Variants in C8orf82 observed in about 807,000 individuals in gnomAD.
The protein encoded by C8orf82 is UPF0598 protein C8orf82.
In C8orf82, 24 loss-of-function variants were observed where a neutral mutation model predicts 15.0. The ratio of observed to expected loss-of-function variants is 1.60; its 90% CI spans 1.16 to 2.24. C8orf82 has a LOEUF of 2.24. Ranked by LOEUF, C8orf82 falls within the 30% of genes most tolerant of loss-of-function variation. The pLI, the probability that C8orf82 is intolerant of heterozygous loss-of-function variation, is 0.00. For missense variants in C8orf82, 388 were observed against 317.4 expected, an observed-to-expected ratio of 1.22 and a Z score of -1.69; for synonymous variants, 205 against 152.2, an observed-to-expected ratio of 1.35 and a Z score of -2.55.
Position 144,527,733 on chromosome 8 carries a change from C to T in C8orf82, c.260G>A (p.Arg87His), listed in dbSNP as rs1391853559. 9 of 1,592,374 alleles carry T rather than the reference C, an allele frequency of 5.7e-6. No individual in the cohort carries two copies. Among genetic ancestry groups the T allele is most frequent in the South Asian group, 1.1e-5 (1 of 90,270 alleles). Reference protein sequence around the residue: ...FSRLRPNRSGRYEAAFPFLSP... With the variant: ...FSRLRPNRSGHYEAAFPFLSP... The stretch of plus-strand genomic sequence containing the variant: ...GAGGAAGGGGAAAGCGGCCTCGTAG[C>T]GCCCGCTGCGGTTGGGTCTCAGGCG... The change falls in exon 3 of 3, where the codon CGC becomes CAC. Residue 87 changes from arginine to histidine, a missense_variant. Physicochemically the swap from Arg to His is conservative, Grantham distance 29. Coordinates refer to ENST00000524821, the MANE Select transcript of C8orf82 (RefSeq NM_001001795.2).
In C8orf82 at chr8:144,527,633, C is replaced by A. The variant is rs770100900; in HGVS notation, c.360G>T (p.Ala120=). Residue 120 remains alanine, a synonymous_variant, in exon 3 of 3, where the codon GCG becomes GCT. Coordinates refer to ENST00000524821, the MANE Select transcript of C8orf82 (RefSeq NM_001001795.2). The part of the protein sequence containing the change: ...RPVVFTHLLT[A]DHGPPRLSYC... The stretch of plus-strand genomic sequence containing the variant: ...AGGAGAGGCGCGGAGGCCCGTGGTC[C>A]GCGGTCAGCAGGTGCGTGAAGACCA... 28 of 1,536,600 alleles carry A rather than the reference C, an allele frequency of 1.8e-5. 1 individual carries two copies. In the South Asian group the frequency reaches 3.3e-4, roughly 18 times the overall value.
chr8:144,527,986 GGAGA>G, intron 2 of C8orf82, 34 bp downstream of exon 2: 1 of 1,607,014 alleles, frequency 6.2e-7, no homozygotes, highest in East Asian at 2.2e-5. Flanking sequence ...TGCCCGGAAG[GGAGA>G]AAGAAGGGGC....
chr8:144,527,900 C>T (rs1564827557), intron 2 of C8orf82, 113 bp from the exon 3 acceptor site: 14 of 1,506,416 alleles, frequency 9.3e-6, no homozygotes, highest in Non-Finnish European at 1.3e-5. Flanking sequence ...CCTCACTCAG[C>T]GGGGCTCCTG....
intron 1 of C8orf82, 54 bp downstream of exon 1, chr8:144,528,707 C>CCCCAA: frequency 1.3e-6 from 1 of 742,332 alleles, no homozygotes; most frequent in Non-Finnish European, 1.8e-6. Flanking sequence ...CCCCGCCCCG[C>CCCCAA]CCAGAGACCT....
intron 1 of C8orf82, 145 bp downstream of exon 1, chr8:144,528,616 C>CGGGGGGGGGG: frequency 6.8e-5 from 20 of 295,988 alleles, no homozygotes; most frequent in Non-Finnish European, 1.0e-4. Context: ...GCGCAGGCCC[C>CGGGGGGGGGG]GCCCACCCAC....
chr8:144,529,045 TCTTC>T lies in C8orf82; in HGVS notation c.-133_-130del. ...CGCCTCCGCGACCCGGGCCCGGCGC[TCTTC>T]CCTCTCCCTCGGGCCTCGGGGGCTC... On this transcript the variant is annotated 5_prime_UTR_variant, in exon 1 of 3. Coordinates refer to ENST00000524821, the MANE Select transcript of C8orf82 (RefSeq NM_001001795.2). The T allele has an allele frequency of 1.0e-6, 1 of 969,122 alleles. No individual in the cohort carries two copies. The highest frequency in any genetic ancestry group is 2.3e-5 in the South Asian group (1 of 43,648). 60.0% of individuals were successfully genotyped at this position (969,122 alleles called of 1,614,324 possible).
Position 144,527,437 on chromosome 8 carries a change from C to T in C8orf82, c.556G>A (p.Ala186Thr), listed in dbSNP as rs1349607593. The change falls in exon 3 of 3, where the codon GCG becomes ACG. Residue 186 changes from alanine (A) to threonine (T), a missense_variant. Coordinates refer to ENST00000524821, the MANE Select transcript of C8orf82 (RefSeq NM_001001795.2). The stretch of plus-strand genomic sequence containing the variant: ...CGCACGTGCGAGGGCAGCGCAGGCG[C>T]GCCGGGCCCGTACTCGAAGCAGGCG... ...LSACFEYGPG[A>T]PALPSHVRWQ... The T allele has an allele frequency of 1.6e-6, 2 of 1,239,098 alleles. No homozygotes were observed. The highest frequency in any genetic ancestry group is 2.0e-6 in the Non-Finnish European group (2 of 989,006). The allele number at this position is 1,239,098 out of a possible 1,614,324, so 76.8% of individuals were successfully genotyped here.
rs767836210 is a variant in C8orf82 at position 144,528,082 on chromosome 8, G to C, written c.157-10C>G. On this transcript the variant is annotated splice_polypyrimidine_tract_variant and intron_variant, in intron 1 of 2. Transcript: ENST00000524821. The stretch of plus-strand genomic sequence containing the variant: ...AATCATCCAGGAAAAGCTGCAGATA[G>C]AGGGCCAGGCCGTGATAAGTCCCAG... The C allele has an allele frequency of 6.2e-7, 1 of 1,612,202 alleles. No individual in the cohort carries two copies. The highest frequency in any genetic ancestry group is 8.5e-7 in the Non-Finnish European group (1 of 1,179,570).
At chr8:144,528,313 T>A (rs952014138) in intron 1 of C8orf82, 8 of 1,509,762 alleles carry the variant, frequency 5.3e-6, no homozygotes, top group Middle Eastern at 1.7e-4. Context: ...TTTTCCCTCT[T>A]TTCAAGTTTG....
chr8:144,528,616 C>CCGGGGGGGGGGGGGGGG (rs1816482039), intron 1 of C8orf82, 145 bp downstream of exon 1: 20 of 295,998 alleles, frequency 6.8e-5, no homozygotes, highest in Non-Finnish European at 9.7e-5. Flanking sequence ...GCGCAGGCCC[C>CCGGGGGGGGGGGGGGGG]GCCCACCCAC....
In C8orf82 at chr8:144,526,086, C is replaced by T. The variant is rs1816349051; in HGVS notation, c.*1256G>A. On this transcript the variant is annotated 3_prime_UTR_variant, in exon 3 of 3. Coordinates refer to ENST00000524821, the MANE Select transcript of C8orf82 (RefSeq NM_001001795.2). ...TCCCAGCCTCATCTGGCCGGCCTCC[C>T]CAAACATTTGCCTGTCCATCAGCTC... 6.6e-6 allele frequency: 1 copy of T among 152,232 alleles called. No homozygotes were observed. The highest frequency in any genetic ancestry group is 2.4e-5 in the African/African-American group (1 of 41,446). 9.4% of individuals were successfully genotyped at this position (152,232 alleles called of 1,614,324 possible).
At chr8:144,527,885 C>T (rs1816436303) in intron 2 of C8orf82, 98 bp from the exon 3 acceptor site, 1 of 1,519,230 alleles carries the variant, frequency 6.6e-7, no homozygotes, top group African/African-American at 1.4e-5. Flanking sequence ...AAGAGGTTCG[C>T]CTGGCCTCAC....
At chr8:144,528,479 G>GACTTGTAGGACTTGTCCT in intron 1 of C8orf82, 6 of 1,461,736 alleles carry the variant, frequency 4.1e-6, no homozygotes, top group Non-Finnish European at 5.4e-6. Context: ...GGACTTGTAG[G>GACTTGTAGGACTTGTCCT]ACAGAGTCCG....
In C8orf82 at chr8:144,527,482, C is replaced by A; in HGVS notation, c.511G>T (p.Ala171Ser). ...CAGGCGCTGAGCTCGAAGGCCAGGGCGGAGCGCACCAGGCCCACGCCGCCC... is the reference window on the plus strand; with the variant it reads ...CAGGCGCTGAGCTCGAAGGCCAGGGAGGAGCGCACCAGGCCCACGCCGCCC... ...RAGGVGLVRS[A>S]LAFELSACFE... Residue 171 changes from alanine to serine, a missense_variant, in exon 3 of 3, where the codon GCC becomes TCC. Physicochemically the swap from Ala to Ser is moderately conservative, Grantham distance 99. Transcript: ENST00000524821. The A allele has an allele frequency of 8.0e-7, 1 of 1,256,784 alleles. No homozygotes were observed. 77.9% of individuals were successfully genotyped at this position (1,256,784 alleles called of 1,614,324 possible). A position where few individuals can be genotyped will look rare whatever the true frequency, so the allele number is the denominator to read the frequency against.
chr8:144,528,074 T>C lies in C8orf82; in HGVS notation c.157-2A>G. The C allele has an allele frequency of 6.2e-7, 1 of 1,612,728 alleles. No individual in the cohort carries two copies. On this transcript the variant is annotated splice_acceptor_variant, in intron 1 of 2. Transcript: ENST00000524821. LOFTEE classifies it high-confidence loss of function. ...CATTTTGGAATCATCCAGGAAAAGCTGCAGATAGAGGGCCAGGCCGTGATA... is the reference window on the plus strand; with the variant it reads ...CATTTTGGAATCATCCAGGAAAAGCCGCAGATAGAGGGCCAGGCCGTGATA...
rs1372354380 is a variant in C8orf82, at chr8:144,526,127, CAT to C, written c.*1213_*1214del. 9 of 152,200 alleles carry C rather than the reference CAT, an allele frequency of 5.9e-5. No homozygotes were observed. Among genetic ancestry groups the C allele is most frequent in the East Asian group, 1.9e-4 (1 of 5,194 alleles). 9.4% of individuals were successfully genotyped at this position (152,200 alleles called of 1,614,324 possible). A position where few individuals can be genotyped will look rare whatever the true frequency, so the allele number is the denominator to read the frequency against. Reference sequence around the variant, plus strand: ...CCATCAGCTCTTCCTCCTTTCGAGTCATGTGGAAAGGGACAGGACCAAGTGGC... The same window carrying C: ...CCATCAGCTCTTCCTCCTTTCGAGTCGTGGAAAGGGACAGGACCAAGTGGC... On this transcript the variant is annotated 3_prime_UTR_variant, in exon 3 of 3. Coordinates refer to ENST00000524821, the MANE Select transcript of C8orf82 (RefSeq NM_001001795.2).
At chr8:144,528,163 C>G (rs1183425727) in intron 1 of C8orf82, 91 bp from the exon 2 acceptor site, 2 of 1,554,142 alleles carry the variant, frequency 1.3e-6, no homozygotes, top group Non-Finnish European at 1.7e-6. Flanking sequence ...AGGTCCTGAA[C>G]CGGCCCGAGC....
intron 1 of C8orf82, 29 bp from the exon 2 acceptor site, chr8:144,528,101 G>C (rs777694423): frequency 2.5e-6 from 4 of 1,610,610 alleles, no homozygotes; most frequent in Non-Finnish European, 3.4e-6. Context: ...GCCGTGATAA[G>C]TCCCAGCGTG....
chr8:144,528,712 A>G (rs776141560), intron 1 of C8orf82, 49 bp downstream of exon 1: 25 of 319,828 alleles, frequency 7.8e-5, no homozygotes, highest in Non-Finnish European at 1.1e-4. Context: ...CCCCGCCCAG[A>G]GACCTCTCCC....
Sources: allele counts gnomAD v4.1 joint callset, GRCh38; gene constraint gnomAD v4.1.1; transcripts MANE v1.5; gene names NCBI Gene and HGNC (gene_info 2026-07-23, HGNC 2026-07-21).